The following SGCZ variants were observed in gnomAD, a reference collection of about 807,000 sequenced individuals.
The protein encoded by SGCZ is zeta-sarcoglycan.
A neutral mutation model predicts 41.3 loss-of-function variants in SGCZ; 40 were observed. That is an observed-to-expected ratio of 0.97 (90% CI 0.75 to 1.26). The LOEUF (loss-of-function observed/expected upper bound fraction) is 1.26, where lower values mean the gene tolerates loss of function less well. SGCZ is among the 50% of genes most tolerant of loss of function. The probability of loss-of-function intolerance (pLI) is 0.00; values close to 1 mark genes in which losing one functional copy is unlikely to be tolerated. For missense variants in SGCZ, 552 were observed against 369.8 expected, an observed-to-expected ratio of 1.49 and a Z score of -4.04; for synonymous variants, 206 against 137.5, an observed-to-expected ratio of 1.50 and a Z score of -3.49.
At chr8:14,632,530 T>C (rs535479477) in intron 1 of SGCZ, among the ~76,000 whole-genome samples, 6 of 152,268 alleles carry the variant, frequency 3.9e-5, no homozygotes, top group African/African-American at 1.2e-4. Context: ...TTGTGAAATG[T>C]GTATCCCTAC....
At chr8:14,714,225 C>G (rs912752957) in intron 1 of SGCZ, among the ~76,000 whole-genome samples, 16 of 152,016 alleles carry the variant, frequency 1.1e-4, no homozygotes, top group Non-Finnish European at 2.2e-4. Context: ...TCTCGGCCTC[C>G]CAAAGTACTA....
intron 1 of SGCZ, among the ~76,000 whole-genome samples, chr8:14,780,143 G>C (rs1363476591): frequency 3.3e-5 from 5 of 152,010 alleles, no homozygotes; most frequent in Admixed American, 2.6e-4. Flanking sequence ...GGAGGCAGAG[G>C]CCGGGCGGAT....
At chr8:15,043,662 TAAA>T (rs538635512) in intron 1 of SGCZ, among the ~76,000 whole-genome samples, 3 of 152,114 alleles carry the variant, frequency 2.0e-5, no homozygotes, top group African/African-American at 4.8e-5. Flanking sequence ...AAAAAATTGT[TAAA>T]AAAGTAATTT....
chr8:15,222,318 A>G (rs751941588), intron 1 of SGCZ, among the ~76,000 whole-genome samples: 138 of 152,276 alleles, frequency 9.1e-4, no homozygotes, highest in Non-Finnish European at 1.5e-3. Flanking sequence ...CCATCCCCCA[A>G]GCAGTTATGG....
intron 2 of SGCZ, among the ~76,000 whole-genome samples, chr8:14,507,219 A>T (rs144794453): frequency 6.6e-6 from 1 of 151,602 alleles, no homozygotes; most frequent in East Asian, 2.0e-4. Context: ...CTGCATAAGT[A>T]TGTAGCCATT....
At chr8:15,165,344 G>A (rs1466395519) in intron 1 of SGCZ, among the ~76,000 whole-genome samples, 1 of 152,014 alleles carries the variant, frequency 6.6e-6, no homozygotes, top group Non-Finnish European at 1.5e-5. Flanking sequence ...AAAAGCTGTG[G>A]AACCTTTCAG....
chr8:14,351,531 C>T (rs1401609794), intron 2 of SGCZ, among the ~76,000 whole-genome samples: 1 of 151,124 alleles, frequency 6.6e-6, no homozygotes, highest in Non-Finnish European at 1.5e-5. Context: ...AAAAAAGTGG[C>T]TTACTATAAA....
At chr8:14,822,351 T>C (rs1248856622) in intron 1 of SGCZ, among the ~76,000 whole-genome samples, 1 of 152,172 alleles carries the variant, frequency 6.6e-6, no homozygotes, top group Non-Finnish European at 1.5e-5. Context: ...CAGAATTAAG[T>C]GTAAAGATAT....
intron 1 of SGCZ, among the ~76,000 whole-genome samples, chr8:15,109,815 G>A (rs1806976894): frequency 6.6e-6 from 1 of 152,112 alleles, no homozygotes. Flanking sequence ...TGACATTGCA[G>A]AAATAGATAT....
chr8:14,924,356 G>A (rs1262284739), intron 1 of SGCZ, among the ~76,000 whole-genome samples: 1 of 152,090 alleles, frequency 6.6e-6, no homozygotes, highest in East Asian at 1.9e-4. Context: ...AACCCAAGAA[G>A]GCAGAATAAA....
intron 1 of SGCZ, among the ~76,000 whole-genome samples, chr8:14,669,614 G>T (rs1296608379): frequency 6.6e-6 from 1 of 151,348 alleles, no homozygotes; most frequent in Non-Finnish European, 1.5e-5. Context: ...TAGCAGAATG[G>T]CCTCCAGGTC....
chr8:14,587,920 T>A (rs1805113706), intron 1 of SGCZ, among the ~76,000 whole-genome samples: 1 of 152,132 alleles, frequency 6.6e-6, no homozygotes. Flanking sequence ...CAAAATTGCA[T>A]CCACTGTTTC....
chr8:14,854,049 A>ATATATC lies in SGCZ; in HGVS notation c.40-299124_40-299123insGATATA, dbSNP rs1803453768. ...TATATATATATATATATATATATAT[A>ATATATC]TATATATCCTTTTGTATATATATTC... is the stretch of plus-strand genomic sequence containing the variant. On this transcript the variant is annotated intron_variant, in intron 1 of 7. Coordinates refer to ENST00000382080, the MANE Select transcript of SGCZ (RefSeq NM_139167.4). 2.3e-5 allele frequency among the ~76,000 whole-genome samples: 3 copies of ATATATC among 132,256 alleles called. No individual in the cohort carries two copies. The South Asian group carries it at 7.1e-4, about 31-fold the overall frequency. 86.8% of individuals were successfully genotyped at this position (132,256 alleles called of 152,430 possible). A position where few individuals can be genotyped will look rare whatever the true frequency, so the allele number is the denominator to read the frequency against.
At chr8:14,446,474 A>G (rs7812923) in intron 2 of SGCZ, among the ~76,000 whole-genome samples, 25,582 of 152,176 alleles carry the variant, frequency 0.17, 2,247 homozygotes, top group African/African-American at 0.22. Context: ...AATAAATTGT[A>G]TAGAGATTCA....
intron 1 of SGCZ, among the ~76,000 whole-genome samples, chr8:14,868,097 G>T (rs1182162581): frequency 6.6e-6 from 1 of 152,082 alleles, no homozygotes; most frequent in African/African-American, 2.4e-5. Context: ...TTTCACACTT[G>T]TAAGCCTCTG....
intron 2 of SGCZ, among the ~76,000 whole-genome samples, chr8:14,383,032 C>T (rs1468958674): frequency 6.6e-6 from 1 of 152,206 alleles, no homozygotes; most frequent in East Asian, 1.9e-4. Context: ...TAGATACAGC[C>T]CAATAGAGAT....
At chr8:14,431,944 A>G (rs1799953865) in intron 2 of SGCZ, among the ~76,000 whole-genome samples, 1 of 152,168 alleles carries the variant, frequency 6.6e-6, no homozygotes, top group Non-Finnish European at 1.5e-5. Context: ...AACATCACTA[A>G]TGATCTGGGA....
intron 1 of SGCZ, among the ~76,000 whole-genome samples, chr8:14,649,927 G>C (rs2117452353): frequency 6.6e-6 from 1 of 152,158 alleles, no homozygotes; most frequent in East Asian, 1.9e-4. Flanking sequence ...ACAAGAGAAA[G>C]TTTGTATGGT....
At chr8:14,336,957 C>T (rs1802524938) in intron 2 of SGCZ, among the ~76,000 whole-genome samples, 1 of 152,112 alleles carries the variant, frequency 6.6e-6, no homozygotes, top group Admixed American at 6.6e-5. Flanking sequence ...GTTCTACTTG[C>T]CTTTACTCTG....
Sources: allele counts gnomAD v4.1 joint callset (sites outside exome capture counted in the v4.1 genomes callset), GRCh38; gene constraint gnomAD v4.1.1; transcripts MANE v1.5; gene names NCBI Gene and HGNC (gene_info 2026-07-23, HGNC 2026-07-21).